Variants in LOC122513141 observed in about 807,000 individuals in gnomAD.
At chr9:137,217,713 C>A in the LOC122513141 span, 2 of 348,388 alleles carry the variant, frequency 5.7e-6, no homozygotes, top group East Asian at 4.2e-5. Context: ...TCTGGTGGAG[C>A]CCAGACCCTG....
At chr9:137,218,105 A>T in the LOC122513141 span, 3 of 398,786 alleles carry the variant, frequency 7.5e-6, no homozygotes, top group Non-Finnish European at 1.3e-5. Flanking sequence ...CTACGGGCCC[A>T]GAGAGCGCCG....
the LOC122513141 span, chr9:137,219,079 G>A: frequency 1.3e-5 from 2 of 155,726 alleles, no homozygotes; most frequent in East Asian, 1.9e-4. Flanking sequence ...ATAAGGGCCA[G>A]TGTGTGTCCC....
chr9:137,217,971 G>A, the LOC122513141 span: 7 of 398,726 alleles, frequency 1.8e-5, no homozygotes, highest in Middle Eastern at 6.2e-4. Flanking sequence ...ACTACAGCCA[G>A]TGAGCCCCTG....
the LOC122513141 span, chr9:137,218,861 T>A: frequency 2.6e-6 from 1 of 383,352 alleles, no homozygotes; most frequent in Non-Finnish European, 4.6e-6. Flanking sequence ...CAAGGACAGC[T>A]CCTGGAGGAG....
the LOC122513141 span, chr9:137,218,412 G>GCCTGCCCTT: frequency 2.2e-4 from 89 of 398,340 alleles, no homozygotes; most frequent in Non-Finnish European, 3.4e-4. Flanking sequence ...GGCCGGGGCT[G>GCCTGCCCTT]CCTGCCCTTC....
chr9:137,217,777 T>C, the LOC122513141 span: 7 of 393,838 alleles, frequency 1.8e-5, no homozygotes, highest in Admixed American at 4.4e-5. Context: ...CCTCCTATCC[T>C]GACTCCTGCC....
At chr9:137,218,509 G>C in the LOC122513141 span, 1 of 400,652 alleles carries the variant, frequency 2.5e-6, no homozygotes, top group African/African-American at 2.1e-5. Context: ...TGCTGAGCCT[G>C]CTGGCCCTTG....
the LOC122513141 span, chr9:137,219,181 G>C: frequency 1.3e-5 from 2 of 152,416 alleles, no homozygotes; most frequent in South Asian, 2.1e-4. Flanking sequence ...CAGACCAGGT[G>C]GGGGTTGGCG....
chr9:137,218,432 C>T, the LOC122513141 span: 4 of 398,394 alleles, frequency 1.0e-5, no homozygotes, highest in Admixed American at 4.4e-5. Flanking sequence ...CCTGCCCTGT[C>T]CACCCTGCCT....
chr9:137,217,780 C>T, the LOC122513141 span: 7 of 395,026 alleles, frequency 1.8e-5, no homozygotes, highest in East Asian at 2.5e-4. Flanking sequence ...CCTATCCTGA[C>T]TCCTGCCCCA....
chr9:137,218,289 G>A, the LOC122513141 span: 2 of 398,178 alleles, frequency 5.0e-6, no homozygotes. Flanking sequence ...CAGGCCGACG[G>A]GCCCTCACGC....
chr9:137,218,943 G>T, the LOC122513141 span: 1 of 272,058 alleles, frequency 3.7e-6, no homozygotes, highest in East Asian at 6.3e-5. Flanking sequence ...TACTGGCCAC[G>T]GGCTGACGCC....
the LOC122513141 span, chr9:137,218,258 C>T: frequency 2.0e-5 from 8 of 398,212 alleles, no homozygotes; most frequent in Non-Finnish European, 2.7e-5. Flanking sequence ...GGAGATCTGC[C>T]GGCTACAGGA....
chr9:137,218,232 C>T, the LOC122513141 span: 6 of 398,366 alleles, frequency 1.5e-5, no homozygotes, highest in East Asian at 7.1e-5. Flanking sequence ...CGCCAGAAGA[C>T]GCCCGTGCTG....
the LOC122513141 span, chr9:137,217,597 A>C: frequency 5.7e-6 from 1 of 175,186 alleles, no homozygotes; most frequent in Non-Finnish European, 1.2e-5. Context: ...GGCTGGGGAC[A>C]GCACCGCGTG....
chr9:137,217,949 C>T, the LOC122513141 span: 1 of 398,684 alleles, frequency 2.5e-6, no homozygotes, highest in Non-Finnish European at 4.4e-6. Flanking sequence ...TGGGCACCCC[C>T]AAGGTGCTGA....
the LOC122513141 span, chr9:137,218,101 G>A: frequency 2.3e-5 from 9 of 398,740 alleles, no homozygotes; most frequent in African/African-American, 1.6e-4. Context: ...AGCCCTACGG[G>A]CCCAGAGAGC....
the LOC122513141 span, chr9:137,218,868 G>A: frequency 2.6e-6 from 1 of 380,234 alleles, no homozygotes; most frequent in Non-Finnish European, 4.7e-6. Flanking sequence ...AGCTCCTGGA[G>A]GAGGCCAGCC....
chr9:137,218,472 G>A, the LOC122513141 span: 8 of 397,204 alleles, frequency 2.0e-5, no homozygotes, highest in Admixed American at 8.9e-5. Flanking sequence ...CTGCGGGAGC[G>A]GGGACCCTGT....
Sources: allele counts gnomAD v4.1 joint callset, GRCh38; gene constraint gnomAD v4.1.1; transcripts MANE v1.5.